PCDH9: variants seen among roughly 807,000 people sequenced by gnomAD.
The protein encoded by PCDH9 is protocadherin 9, also known as protocadherin-9.
PCDH9 carries 24 observed loss-of-function variants against 70.6 expected under a neutral mutation model. That is an observed-to-expected ratio of 0.34 (90% CI 0.25 to 0.48). The LOEUF (loss-of-function observed/expected upper bound fraction) is 0.48, where lower values mean the gene tolerates loss of function less well. PCDH9 is among the 20% of genes least tolerant of loss of function. The pLI, the probability that PCDH9 is intolerant of heterozygous loss-of-function variation, is 0.99. For synonymous variants in PCDH9, 562 were observed against 558.5 expected (o/e 1.01, Z -0.09); for missense variants, 1,281 against 1,503.6 (o/e 0.85, Z 2.45).
At chr13:66,533,453 T>C (rs998832430) in intron 4 of PCDH9, among the ~76,000 whole-genome samples, 8 of 152,094 alleles carry the variant, frequency 5.3e-5, no homozygotes, top group Non-Finnish European at 8.8e-5. Flanking sequence ...TAGATCATCA[T>C]AAATTAACAA....
chr13:66,431,127 A>G (rs1411136322), intron 4 of PCDH9, among the ~76,000 whole-genome samples: 5 of 152,050 alleles, frequency 3.3e-5, no homozygotes, highest in African/African-American at 1.2e-4. Flanking sequence ...GTAATTTTCT[A>G]TTCAGTGCAG....
chr13:67,184,975 T>C (rs1285890255), intron 2 of PCDH9, among the ~76,000 whole-genome samples: 2 of 152,186 alleles, frequency 1.3e-5, no homozygotes, highest in African/African-American at 2.4e-5. Context: ...CCGTACTACA[T>C]AGGCAAGACT....
At chr13:66,382,728 A>G (rs557683192) in intron 4 of PCDH9, among the ~76,000 whole-genome samples, 1 of 152,254 alleles carries the variant, frequency 6.6e-6, no homozygotes. Flanking sequence ...AAGGATTACA[A>G]AATATTCTTA....
At position 66,796,232 on chromosome 13, in the gene PCDH9, T is replaced by C. The variant is rs140507692; in HGVS notation, c.3138+107272A>G. On this transcript the variant is annotated intron_variant, in intron 3 of 4. Coordinates refer to ENST00000377865, the MANE Select transcript of PCDH9 (RefSeq NM_203487.3). ...CCATTTGAATGTGTGTGAAGAAAGCTTATTTATTCAGCCAGCTCCATTTAT... is the reference window on the plus strand; with the variant it reads ...CCATTTGAATGTGTGTGAAGAAAGCCTATTTATTCAGCCAGCTCCATTTAT... 1.7e-3 allele frequency among the ~76,000 whole-genome samples: 264 copies of C among 152,262 alleles called. 6 individuals carry two copies. The highest frequency in any genetic ancestry group is 6.0e-3 in the African/African-American group (249 of 41,544).
At chr13:66,679,541 T>G (rs1278976595) in intron 3 of PCDH9, among the ~76,000 whole-genome samples, 1 of 151,916 alleles carries the variant, frequency 6.6e-6, no homozygotes, top group Non-Finnish European at 1.5e-5. Flanking sequence ...GTTTAATTTT[T>G]TTTTGCTCCA....
intron 2 of PCDH9, among the ~76,000 whole-genome samples, chr13:66,972,485 C>G (rs1000726708): frequency 2.6e-5 from 4 of 151,952 alleles, no homozygotes; most frequent in Non-Finnish European, 5.9e-5. Context: ...AAGAAGAACA[C>G]GGCTTAAGTC....
rs1224268051 is a variant in PCDH9 at position 66,847,450 on chromosome 13, A to T, written c.3138+56054T>A. ...TGTACATACATACATAATAAAGTTT[A>T]TAAGTTAGGCACAGTAAGAGATTAA... On this transcript the variant is annotated intron_variant, in intron 3 of 4. Coordinates refer to ENST00000377865, the MANE Select transcript of PCDH9 (RefSeq NM_203487.3). Among the ~76,000 whole-genome samples the T allele has an allele frequency of 2.0e-5, 3 of 152,208 alleles. No individual in the cohort carries two copies. The East Asian group carries it at 5.8e-4, about 29-fold the overall frequency.
intron 3 of PCDH9, among the ~76,000 whole-genome samples, chr13:66,760,077 T>A (rs1273583081): frequency 2.0e-5 from 3 of 146,508 alleles, no homozygotes; most frequent in East Asian, 3.8e-4. Context: ...AAATTATTTA[T>A]CTCTCCTTCA....
At chr13:66,368,664 A>G (rs1956592468) in intron 4 of PCDH9, among the ~76,000 whole-genome samples, 1 of 152,078 alleles carries the variant, frequency 6.6e-6, no homozygotes, top group Admixed American at 6.6e-5. Context: ...CCATACATTT[A>G]TATGATTAGT....
chr13:66,934,060 C>T (rs1031627810), intron 2 of PCDH9, among the ~76,000 whole-genome samples: 1 of 152,098 alleles, frequency 6.6e-6, no homozygotes, highest in African/African-American at 2.4e-5. Flanking sequence ...CTCATCACAC[C>T]TACAGCCTGC....
intron 2 of PCDH9, among the ~76,000 whole-genome samples, chr13:67,180,465 A>T (rs1165324055): frequency 6.6e-6 from 1 of 152,106 alleles, no homozygotes; most frequent in African/African-American, 2.4e-5. Flanking sequence ...TTCTGCTGTT[A>T]TTATAGGATG....
chr13:66,598,829 G>A (rs2077132421), intron 4 of PCDH9, among the ~76,000 whole-genome samples: 1 of 151,794 alleles, frequency 6.6e-6, no homozygotes, highest in Non-Finnish European at 1.5e-5. Context: ...AGGAGAGAAT[G>A]AGCTCATATA....
chr13:66,706,266 T>C (rs987518890), intron 3 of PCDH9, among the ~76,000 whole-genome samples: 4 of 152,198 alleles, frequency 2.6e-5, no homozygotes, highest in African/African-American at 7.2e-5. Flanking sequence ...TGTTGGATGA[T>C]AGGAATAAAA....
At chr13:67,123,086 G>T (rs1234538394) in intron 2 of PCDH9, among the ~76,000 whole-genome samples, 4 of 151,822 alleles carry the variant, frequency 2.6e-5, no homozygotes, top group Non-Finnish European at 4.4e-5. Context: ...TTTTAAATTT[G>T]CTCAGTTCTT....
intron 4 of PCDH9, among the ~76,000 whole-genome samples, chr13:66,349,819 G>A (rs560273589): frequency 1.2e-4 from 19 of 152,222 alleles, no homozygotes; most frequent in Admixed American, 3.9e-4. Flanking sequence ...TAACAAGGTT[G>A]GAAAGGTTAG....
At chr13:67,025,971 G>A (rs1478411738) in intron 2 of PCDH9, among the ~76,000 whole-genome samples, 1 of 152,028 alleles carries the variant, frequency 6.6e-6, no homozygotes, top group Non-Finnish European at 1.5e-5. Flanking sequence ...TGGTGGTTAT[G>A]CTCTTTTAAA....
intron 3 of PCDH9, among the ~76,000 whole-genome samples, chr13:66,659,769 T>C (rs1255066923): frequency 6.6e-6 from 1 of 151,934 alleles, no homozygotes; most frequent in Non-Finnish European, 1.5e-5. Flanking sequence ...ACTCCACCCA[T>C]TAAATCATCA....
chr13:66,846,573 T>C (rs1288545005), intron 3 of PCDH9, among the ~76,000 whole-genome samples: 1 of 152,150 alleles, frequency 6.6e-6, no homozygotes, highest in Non-Finnish European at 1.5e-5. Flanking sequence ...ATTACATTCC[T>C]TTTTCTTTAT....
intron 3 of PCDH9, among the ~76,000 whole-genome samples, chr13:66,798,478 T>A (rs2080279164): frequency 6.6e-6 from 1 of 152,128 alleles, no homozygotes; most frequent in Non-Finnish European, 1.5e-5. Flanking sequence ...GTGGTTCACC[T>A]TTCCATGAAA....
Sources: gnomAD v4.1 joint callset for allele counts (sites outside exome capture counted in the v4.1 genomes callset) on GRCh38, gnomAD v4.1.1 for gene constraint, MANE v1.5 for transcripts, NCBI Gene and HGNC (gene_info 2026-07-23, HGNC 2026-07-21) for gene names.